The following DENND1B variants were observed in gnomAD, a reference collection of about 807,000 sequenced individuals.
The protein encoded by DENND1B is DENN domain-containing protein 1B.
DENND1B carries 59 observed loss-of-function variants against 90.1 expected under a neutral mutation model. That is an observed-to-expected ratio of 0.65 (90% confidence interval 0.53 to 0.81). The LOEUF (loss-of-function observed/expected upper bound fraction) is 0.81. Ranked by LOEUF, DENND1B falls within the 40% of genes least tolerant of loss-of-function variation. The pLI, the probability that DENND1B is intolerant of heterozygous loss-of-function variation, is 0.00. For missense variants in DENND1B, 862 were observed against 912.6 expected, an observed-to-expected ratio of 0.94 and a Z score of 0.71; for synonymous variants, 337 against 324.6, an observed-to-expected ratio of 1.04 and a Z score of -0.41.
chr1:197,755,738 G>A (rs1418682033), intron 2 of DENND1B, among the ~76,000 whole-genome samples: 5 of 152,176 alleles, frequency 3.3e-5, no homozygotes, highest in Admixed American at 2.6e-4. Context: ...CAACCACGGT[G>A]GAAGGCAAGG....
At chr1:197,514,944 T>A (rs1033932976) in intron 20 of DENND1B, among the ~76,000 whole-genome samples, 4 of 151,670 alleles carry the variant, frequency 2.6e-5, no homozygotes, top group Non-Finnish European at 5.9e-5. Flanking sequence ...ATTTCGAGTC[T>A]GGGTGCTATG....
At chr1:197,518,557 G>T (rs1668559681) in intron 20 of DENND1B, among the ~76,000 whole-genome samples, 1 of 151,862 alleles carries the variant, frequency 6.6e-6, no homozygotes, top group African/African-American at 2.4e-5. Context: ...CCATATGGTG[G>T]CAAGTTTTCT....
At chr1:197,593,590 G>T (rs1675430768) in intron 14 of DENND1B, among the ~76,000 whole-genome samples, 1 of 151,742 alleles carries the variant, frequency 6.6e-6, no homozygotes, top group Non-Finnish European at 1.5e-5. Context: ...CTTAAAGGGT[G>T]AGAAAATTAA....
intron 14 of DENND1B, among the ~76,000 whole-genome samples, chr1:197,591,449 C>T (rs780854647): frequency 6.6e-6 from 1 of 152,136 alleles, no homozygotes; most frequent in Non-Finnish European, 1.5e-5. Flanking sequence ...ACTTTAGATG[C>T]TTTTCTGCAG....
At chr1:197,554,353 G>A (rs1671517553) in intron 15 of DENND1B, among the ~76,000 whole-genome samples, 1 of 152,006 alleles carries the variant, frequency 6.6e-6, no homozygotes, top group Non-Finnish European at 1.5e-5. Flanking sequence ...TCTTTTGGAT[G>A]CATCCAAAAA....
chr1:197,650,740 T>C (rs1298951045), intron 7 of DENND1B, among the ~76,000 whole-genome samples: 1 of 152,210 alleles, frequency 6.6e-6, no homozygotes, highest in African/African-American at 2.4e-5. Flanking sequence ...CTGAAGACTA[T>C]TATTCTAAGT....
chr1:197,767,892 T>C (rs1189695771), intron 2 of DENND1B, among the ~76,000 whole-genome samples: 2 of 152,180 alleles, frequency 1.3e-5, no homozygotes, highest in African/African-American at 4.8e-5. Context: ...AAACCACCTA[T>C]ACACGTGAAG....
At chr1:197,577,383 C>T (rs958488483) in intron 15 of DENND1B, among the ~76,000 whole-genome samples, 9 of 152,104 alleles carry the variant, frequency 5.9e-5, no homozygotes, top group Non-Finnish European at 1.2e-4. Context: ...TACAGCCACC[C>T]CCCATACTCT....
At chr1:197,683,245 A>G (rs1656877601) in intron 3 of DENND1B, among the ~76,000 whole-genome samples, 1 of 152,188 alleles carries the variant, frequency 6.6e-6, no homozygotes, top group Non-Finnish European at 1.5e-5. Context: ...TGAAAAATAA[A>G]TTAATAAATA....
At chr1:197,552,501 G>A in intron 16 of DENND1B, 1 of 985,332 alleles carries the variant, frequency 1.0e-6, no homozygotes, top group Non-Finnish European at 1.2e-6. Flanking sequence ...CTTATGGAAT[G>A]GTAAACTGGA....
intron 16 of DENND1B, among the ~76,000 whole-genome samples, chr1:197,548,375 G>A (rs1189285946): frequency 6.6e-6 from 1 of 152,146 alleles, no homozygotes; most frequent in African/African-American, 2.4e-5. Flanking sequence ...TGTGATTTGG[G>A]ATGAGGTCCT....
intron 13 of DENND1B, among the ~76,000 whole-genome samples, chr1:197,601,916 T>C (rs941816388): frequency 3.3e-5 from 5 of 151,674 alleles, no homozygotes; most frequent in Non-Finnish European, 7.4e-5. Context: ...CAGCAAAATC[T>C]ATAATAGTTT....
rs1269180267 is a variant in DENND1B at position 197,510,109 on chromosome 1, T to C, written c.*351A>G. ...AAGTTTTGATATCTTGATCAGTTCA[T>C]GCTCAACCAGATTAGTATAGTAGCT... On this transcript the variant is annotated 3_prime_UTR_variant, in exon 23 of 23. Transcript: ENST00000620048. 1 of 207,154 alleles carries C rather than the reference T, an allele frequency of 4.8e-6. No individual in the cohort carries two copies. The highest frequency in any genetic ancestry group is 5.4e-5 in the Admixed American group (1 of 18,628). The allele number at this position is 207,154 out of a possible 1,614,324, so 12.8% of individuals were successfully genotyped here.
At chr1:197,704,765 C>A (rs1047137459) in intron 3 of DENND1B, among the ~76,000 whole-genome samples, 3 of 150,442 alleles carry the variant, frequency 2.0e-5, no homozygotes, top group Non-Finnish European at 4.4e-5. Flanking sequence ...CTAAAGATAC[C>A]AAGAGAAAAA....
At chr1:197,588,912 T>C (rs577162658) in intron 14 of DENND1B, among the ~76,000 whole-genome samples, 1 of 152,236 alleles carries the variant, frequency 6.6e-6, no homozygotes, top group African/African-American at 2.4e-5. Context: ...AAATATTCTA[T>C]TTGTACATAT....
At chr1:197,537,185 T>C (rs764450449) in intron 20 of DENND1B, among the ~76,000 whole-genome samples, 1 of 152,210 alleles carries the variant, frequency 6.6e-6, no homozygotes, top group Non-Finnish European at 1.5e-5. Flanking sequence ...AAACTAAAGA[T>C]TGTTATTCAG....
chr1:197,770,011 T>A (rs1656208709), intron 2 of DENND1B, among the ~76,000 whole-genome samples: 2 of 152,116 alleles, frequency 1.3e-5, no homozygotes, highest in South Asian at 4.1e-4. Context: ...TTATAGCTAC[T>A]AATTTATCAT....
intron 8 of DENND1B, among the ~76,000 whole-genome samples, chr1:197,646,777 A>T (rs1680766318): frequency 6.6e-6 from 1 of 152,046 alleles, no homozygotes; most frequent in South Asian, 2.1e-4. Context: ...AATATACTTT[A>T]AAATTACTAC....
chr1:197,753,470 G>C (rs1653826793), intron 2 of DENND1B, among the ~76,000 whole-genome samples: 1 of 151,986 alleles, frequency 6.6e-6, no homozygotes, highest in Admixed American at 6.5e-5. Context: ...TACTATAATG[G>C]GGGATACGTG....
Sources: gnomAD v4.1 joint callset for allele counts (sites outside exome capture counted in the v4.1 genomes callset) on GRCh38, gnomAD v4.1.1 for gene constraint, MANE v1.5 for transcripts, NCBI Gene and HGNC (gene_info 2026-07-23, HGNC 2026-07-21) for gene names.